The following SPAG6 variants were observed in gnomAD, a reference collection of about 807,000 sequenced individuals.
SPAG6 encodes the protein sperm associated antigen 6, also known as sperm-associated antigen 6.
In SPAG6, 49 loss-of-function variants were observed where a neutral mutation model predicts 58.5. The ratio of observed to expected loss-of-function variants is 0.84; its 90% CI spans 0.67 to 1.06. The LOEUF (loss-of-function observed/expected upper bound fraction) is 1.06, where lower values mean the gene tolerates loss of function less well. Among genes scored for constraint, SPAG6 ranks in the 50% least tolerant of loss-of-function variants. SPAG6 has a pLI of 0.00. For missense variants in SPAG6, 560 were observed against 611.3 expected (o/e 0.92, Z 0.89); for synonymous variants, 233 against 225.6 (o/e 1.03, Z -0.29).
intron 4 of SPAG6, among the ~76,000 whole-genome samples, chr10:22,375,558 A>C (rs945680705): frequency 6.6e-6 from 1 of 151,914 alleles, no homozygotes; most frequent in Non-Finnish European, 1.5e-5. Context: ...AAAAGTGTGG[A>C]ATAAGTTAAT....
At chr10:22,387,059 AATTATCATTGAAAACAGATATG>A (rs1834082365) in intron 5 of SPAG6, 100 bp downstream of exon 5, 1 of 861,886 alleles carries the variant, frequency 1.2e-6, no homozygotes, top group Non-Finnish European at 1.9e-6. Context: ...ATAATTAGCA[AATTATCATTGAAAACAGATATG>A]AATATATTAT....
At chr10:22,355,707 C>T (rs1836846286) in intron 2 of SPAG6, among the ~76,000 whole-genome samples, 1 of 151,934 alleles carries the variant, frequency 6.6e-6, no homozygotes, top group South Asian at 2.1e-4. Flanking sequence ...TTCAAGAAAA[C>T]AAGGCAAACA....
chr10:22,410,673 A>G (rs796773097), intron 9 of SPAG6, among the ~76,000 whole-genome samples: 14 of 152,220 alleles, frequency 9.2e-5, no homozygotes, highest in African/African-American at 3.4e-4. Context: ...GTGGCTGGAG[A>G]GGTATTTAGG....
intron 2 of SPAG6, among the ~76,000 whole-genome samples, chr10:22,355,957 T>C (rs990949572): frequency 2.0e-5 from 3 of 152,224 alleles, no homozygotes; most frequent in African/African-American, 7.2e-5. Context: ...CATATAAATA[T>C]CATAATTTGT....
intron 2 of SPAG6, among the ~76,000 whole-genome samples, chr10:22,346,497 TTTC>T (rs1554776509): frequency 1.4e-3 from 106 of 74,362 alleles, no homozygotes; most frequent in African/African-American, 4.2e-3. Context: ...CTTCTTCTTC[TTTC>T]TTCTTCTTCT....
chr10:22,409,932 CCT>C (rs1458122566), intron 9 of SPAG6, among the ~76,000 whole-genome samples: 1 of 152,074 alleles, frequency 6.6e-6, no homozygotes, highest in Non-Finnish European at 1.5e-5. Flanking sequence ...CTACTGATAC[CCT>C]GTTTTCTCTT....
intron 9 of SPAG6, among the ~76,000 whole-genome samples, chr10:22,403,525 A>G (rs1834468775): frequency 6.6e-6 from 1 of 152,074 alleles, no homozygotes; most frequent in Admixed American, 6.5e-5. Flanking sequence ...TTCTTAATCC[A>G]GTGTATCACT....
chr10:22,368,714 G>C, intron 4 of SPAG6, 36 bp downstream of exon 4: 1 of 1,503,706 alleles, frequency 6.7e-7, no homozygotes, highest in Non-Finnish European at 9.1e-7. Flanking sequence ...TTTTAAAATA[G>C]GATTATTACA....
chr10:22,402,280 G>T (rs552215018), intron 9 of SPAG6, among the ~76,000 whole-genome samples: 46 of 151,780 alleles, frequency 3.0e-4, no homozygotes, highest in African/African-American at 9.4e-4. Flanking sequence ...TAATTTAAAA[G>T]ATTTAAAAAA....
At chr10:22,370,185 A>C (rs1833651026) in intron 4 of SPAG6, among the ~76,000 whole-genome samples, 1 of 152,202 alleles carries the variant, frequency 6.6e-6, no homozygotes. Context: ...ATATAATTAC[A>C]AAAAAATCAT....
At chr10:22,351,145 T>C (rs1836716743) in intron 2 of SPAG6, among the ~76,000 whole-genome samples, 1 of 152,206 alleles carries the variant, frequency 6.6e-6, no homozygotes, top group Non-Finnish European at 1.5e-5. Context: ...GAAAATTTGG[T>C]GGCTTTGGAG....
Position 22,365,001 on chromosome 10 carries a change from T to C in SPAG6, c.270T>C (p.Tyr90=), listed in dbSNP as rs566326339. The change falls in exon 3 of 11, where the codon TAT becomes TAC. Residue 90 remains tyrosine, a synonymous_variant. Transcript: ENST00000376624. ...GCGACATTCTTCCACAGCTTGTTTA[T>C]TCATTGGCAGAACAGAATGTAAGAA... is the stretch of plus-strand genomic sequence containing the variant. ...VKCDILPQLV[Y]SLAEQNRFYK... 1.2e-6 allele frequency: 2 copies of C among 1,603,854 alleles called. No individual in the cohort carries two copies. Among genetic ancestry groups the C allele is most frequent in the African/African-American group, 2.7e-5 (2 of 74,524 alleles).
rs1276402077 is a variant in SPAG6 at position 22,364,853 on chromosome 10, G to A, written c.122G>A (p.Gly41Asp). Residue 41 changes from glycine (G) to aspartate (D), a missense_variant and splice_region_variant, in exon 3 of 11, where the codon GGT (glycine) becomes GAT (aspartate). By Grantham distance (94) the Gly-to-Asp change is moderately conservative. Transcript: ENST00000376624. Reference protein sequence around the residue: ...PQNIETLQNAGVMSLLRTLLL... With the variant: ...PQNIETLQNADVMSLLRTLLL... The stretch of plus-strand genomic sequence containing the variant: ...TCTGTTCTTTCATAATTTAACTCAG[G>A]TGTAATGTCTTTGCTGAGAACTCTT... 5 of 1,597,570 alleles carry A rather than the reference G, an allele frequency of 3.1e-6. No homozygotes were observed. The highest frequency in any genetic ancestry group is 2.2e-5 in the East Asian group (1 of 44,722).
rs147752442 is a variant in SPAG6, at chr10:22,350,676, T to C, written c.121+4858T>C. ...CTAATTTCTACTCAGTCTTTATGGCTCTGTTTTGGTGTTGATGCCTCAAGG... is the reference window on the plus strand; with the variant it reads ...CTAATTTCTACTCAGTCTTTATGGCCCTGTTTTGGTGTTGATGCCTCAAGG... On this transcript the variant is annotated intron_variant, in intron 2 of 10. Coordinates refer to ENST00000376624, the MANE Select transcript of SPAG6 (RefSeq NM_012443.4). Among the ~76,000 whole-genome samples the C allele has an allele frequency of 4.3e-4, 66 of 152,302 alleles. 1 individual carries two copies. In the East Asian group the frequency reaches 0.011, roughly 26 times the overall value.
intron 8 of SPAG6, among the ~76,000 whole-genome samples, chr10:22,392,199 G>T (rs1834198054): frequency 6.6e-6 from 1 of 152,084 alleles, no homozygotes; most frequent in African/African-American, 2.4e-5. Context: ...GGGAATTGAA[G>T]AATAATAGAA....
At chr10:22,415,577 GC>G (rs1280730384) in intron 10 of SPAG6, among the ~76,000 whole-genome samples, 1 of 152,094 alleles carries the variant, frequency 6.6e-6, no homozygotes, top group Non-Finnish European at 1.5e-5. Flanking sequence ...AACTATGGAT[GC>G]CTGTAAGCAC....
Position 22,345,996 on chromosome 10 carries a change from A to T in SPAG6, c.121+178A>T. Reference sequence around the variant, plus strand: ...CAGGCCGAGAGGGTGAAGCTTCCAGATGGTTGTGGGAGGTGCGCGTTGTCC... The same window carrying T: ...CAGGCCGAGAGGGTGAAGCTTCCAGTTGGTTGTGGGAGGTGCGCGTTGTCC... On this transcript the variant is annotated intron_variant, in intron 2 of 10. Transcript: ENST00000376624. The surrounding 1 kb of genome is among the most constrained non-coding windows in gnomAD (Gnocchi z 6.3). 4 of 1,547,844 alleles carry T rather than the reference A, an allele frequency of 2.6e-6. No individual in the cohort carries two copies. Among genetic ancestry groups the T allele is most frequent in the Non-Finnish European group, 2.6e-6 (3 of 1,145,744 alleles).
chr10:22,402,839 ATAAGGGG>A (rs1406884287), intron 9 of SPAG6, among the ~76,000 whole-genome samples: 1 of 152,176 alleles, frequency 6.6e-6, no homozygotes, highest in Non-Finnish European at 1.5e-5. Context: ...TCTAAGAGTG[ATAAGGGG>A]TAAGGGGCTG....
intron 10 of SPAG6, among the ~76,000 whole-genome samples, chr10:22,411,934 C>CA (rs923256611): frequency 6.8e-6 from 1 of 147,674 alleles, no homozygotes; most frequent in Non-Finnish European, 1.5e-5. Flanking sequence ...CTGCAAGCTC[C>CA]ACCTCCCAGG....
Sources: allele counts gnomAD v4.1 joint callset (sites outside exome capture counted in the v4.1 genomes callset), GRCh38; gene constraint gnomAD v4.1.1; non-coding constraint Gnocchi (gnomAD v3.1); transcripts MANE v1.5; gene names NCBI Gene and HGNC (gene_info 2026-07-23, HGNC 2026-07-21).